The following SDK1 variants were observed in gnomAD, a reference collection of about 807,000 sequenced individuals.
The protein encoded by SDK1 is protein sidekick-1.
In SDK1, 157 loss-of-function variants were observed where a neutral mutation model predicts 245.5. The observed-to-expected ratio is 0.64, with a 90% CI of 0.56 to 0.73. The LOEUF (loss-of-function observed/expected upper bound fraction) is 0.73, where lower values mean the gene tolerates loss of function less well. Ranked by LOEUF, SDK1 falls within the 30% of genes least tolerant of loss-of-function variation. SDK1 has a pLI of 0.00. For missense variants in SDK1, 3,583 were observed against 3,002.3 expected, an observed-to-expected ratio of 1.19 and a Z score of -4.52; for synonymous variants, 1,647 against 1,278.5, an observed-to-expected ratio of 1.29 and a Z score of -6.15.
chr7:3,439,725 T>C (rs555811101), intron 1 of SDK1, among the ~76,000 whole-genome samples: 63 of 152,342 alleles, frequency 4.1e-4, no homozygotes, highest in African/African-American at 1.5e-3. Flanking sequence ...AGAAAAAACA[T>C]TGTCATTTAT....
In SDK1 at chr7:3,809,711, A is replaced by G. The variant is rs190355610; in HGVS notation, c.714-11739A>G. On this transcript the variant is annotated intron_variant, in intron 4 of 44. Transcript: ENST00000404826. ...CTCTGCTTCCTAGCGGCTGCTGCGTATGCTTGGTCCAGCCACGAAGACATA... is the reference window on the plus strand; with the variant it reads ...CTCTGCTTCCTAGCGGCTGCTGCGTGTGCTTGGTCCAGCCACGAAGACATA... Among the ~76,000 whole-genome samples the G allele has an allele frequency of 3.0e-4, 45 of 152,306 alleles. No homozygotes were observed. In the East Asian group the frequency reaches 8.1e-3, roughly 28 times the overall value.
intron 1 of SDK1, among the ~76,000 whole-genome samples, chr7:3,520,595 T>G (rs2128614416): frequency 6.6e-6 from 1 of 152,306 alleles, no homozygotes; most frequent in South Asian, 2.1e-4. Flanking sequence ...TATAGTAGAA[T>G]TCTAATGTAT....
intron 1 of SDK1, among the ~76,000 whole-genome samples, chr7:3,609,564 C>T (rs924333060): frequency 6.6e-6 from 1 of 152,016 alleles, no homozygotes; most frequent in African/African-American, 2.4e-5. Context: ...CCATACCCGG[C>T]TAATTTTTTG....
At chr7:3,452,188 T>C (rs904097559) in intron 1 of SDK1, among the ~76,000 whole-genome samples, 2 of 152,216 alleles carry the variant, frequency 1.3e-5, no homozygotes, top group African/African-American at 2.4e-5. Context: ...GTCAGCTTTC[T>C]TTAGGACAGG....
chr7:4,182,828 G>C (rs1282453592), intron 35 of SDK1, among the ~76,000 whole-genome samples: 1 of 152,214 alleles, frequency 6.6e-6, no homozygotes, highest in Non-Finnish European at 1.5e-5. Context: ...TGGCAGATGG[G>C]GAGCAGTGCC....
At chr7:4,249,137 G>A (rs1020480110) in intron 44 of SDK1, among the ~76,000 whole-genome samples, 1 of 152,182 alleles carries the variant, frequency 6.6e-6, no homozygotes, top group Non-Finnish European at 1.5e-5. Flanking sequence ...AGGGGAAGAA[G>A]GGTGGAGGGC....
chr7:4,122,206 C>G (rs984087434), intron 25 of SDK1, among the ~76,000 whole-genome samples: 1 of 152,206 alleles, frequency 6.6e-6, no homozygotes, highest in African/African-American at 2.4e-5. Flanking sequence ...CCACCTCTGA[C>G]TGGCAAGGCC....
chr7:4,024,634 A>G (rs1787187412), intron 17 of SDK1, among the ~76,000 whole-genome samples: 1 of 152,154 alleles, frequency 6.6e-6, no homozygotes, highest in Non-Finnish European at 1.5e-5. Context: ...TACTCCATTC[A>G]TCCCTGGGGG....
intron 1 of SDK1, among the ~76,000 whole-genome samples, chr7:3,417,973 C>T (rs1046065561): frequency 1.3e-5 from 2 of 151,854 alleles, no homozygotes; most frequent in African/African-American, 4.8e-5. Context: ...ACATTGGAAC[C>T]CTTACAAGTG....
chr7:3,334,433 T>C (rs1780148061), intron 1 of SDK1, among the ~76,000 whole-genome samples: 1 of 152,026 alleles, frequency 6.6e-6, no homozygotes, highest in Admixed American at 6.6e-5. Context: ...TGCCGTCCCT[T>C]TCAAATGACC....
Position 4,110,658 on chromosome 7 carries a change from C to T in SDK1, c.3325-5C>T. 1.9e-6 allele frequency: 3 copies of T among 1,601,284 alleles called. No individual in the cohort carries two copies. Among genetic ancestry groups the T allele is most frequent in the Non-Finnish European group, 1.7e-6 (2 of 1,168,970 alleles). On this transcript the variant is annotated splice_polypyrimidine_tract_variant and splice_region_variant and intron_variant, in intron 22 of 44. Transcript: ENST00000404826. Reference sequence around the variant, plus strand: ...CAGCCCATCTCAGTGTCTCCCTCTGCACAGGTGGGAGCTATCGGCGACGAG... The same window carrying T: ...CAGCCCATCTCAGTGTCTCCCTCTGTACAGGTGGGAGCTATCGGCGACGAG...
chr7:3,951,967 T>C, intron 7 of SDK1, 47 bp downstream of exon 7: 1 of 1,522,078 alleles, frequency 6.6e-7, no homozygotes, highest in Non-Finnish European at 9.0e-7. Context: ...TCAGATAGCA[T>C]CCGACACTGA....
At chr7:3,344,643 T>C (rs570002766) in intron 1 of SDK1, among the ~76,000 whole-genome samples, 1 of 149,702 alleles carries the variant, frequency 6.7e-6, no homozygotes, top group Non-Finnish European at 1.5e-5. Flanking sequence ...ATTCTCAGAA[T>C]AGGTGGATAT....
At chr7:4,236,679 A>G (rs1786187568) in intron 41 of SDK1, among the ~76,000 whole-genome samples, 2 of 151,830 alleles carry the variant, frequency 1.3e-5, no homozygotes, top group Non-Finnish European at 1.5e-5. Flanking sequence ...GGGACAACTG[A>G]TTTCTATCGG....
At chr7:3,547,554 T>C (rs2128622145) in intron 1 of SDK1, among the ~76,000 whole-genome samples, 1 of 152,294 alleles carries the variant, frequency 6.6e-6, no homozygotes, top group East Asian at 1.9e-4. Flanking sequence ...ACTGTGCAGG[T>C]TCTGTTTAAA....
chr7:3,833,196 G>C (rs1233098483), intron 5 of SDK1, among the ~76,000 whole-genome samples: 1 of 152,132 alleles, frequency 6.6e-6, no homozygotes, highest in Non-Finnish European at 1.5e-5. Context: ...TTCCATTTTA[G>C]TTCCTAAGTC....
chr7:3,718,447 C>T (rs757986062), intron 4 of SDK1, among the ~76,000 whole-genome samples: 16 of 151,078 alleles, frequency 1.1e-4, no homozygotes, highest in South Asian at 2.1e-4. Context: ...GGTTGAGGCC[C>T]GGAGGTTGAG....
intron 32 of SDK1, among the ~76,000 whole-genome samples, chr7:4,169,192 G>T (rs958939426): frequency 7.2e-5 from 11 of 152,240 alleles, no homozygotes; most frequent in Admixed American, 7.2e-4. Context: ...ACCGGGAGTA[G>T]CAGTAACCCA....
intron 4 of SDK1, among the ~76,000 whole-genome samples, chr7:3,818,387 A>G (rs964284704): frequency 1.3e-5 from 2 of 152,174 alleles, no homozygotes; most frequent in African/African-American, 2.4e-5. Context: ...TGTTCTTTTC[A>G]TTACCTTCTG....
Sources: gnomAD v4.1 joint callset for allele counts (sites outside exome capture counted in the v4.1 genomes callset) on GRCh38, gnomAD v4.1.1 for gene constraint, MANE v1.5 for transcripts, NCBI Gene and HGNC (gene_info 2026-07-23, HGNC 2026-07-21) for gene names.